ST14: variants seen among roughly 807,000 people sequenced by gnomAD.
ST14 encodes ST14 transmembrane serine protease matriptase, also known as suppressor of tumorigenicity 14 protein.
A neutral mutation model predicts 96.5 loss-of-function variants in ST14; 40 were observed. The ratio of observed to expected loss-of-function variants is 0.41; its 90% CI spans 0.32 to 0.54. The LOEUF (loss-of-function observed/expected upper bound fraction) is 0.54. ST14 is among the 20% of genes least tolerant of loss of function. The pLI is 0.17. For missense variants in ST14, 1,066 were observed against 1,188.9 expected, an observed-to-expected ratio of 0.90 and a Z score of 1.52; for synonymous variants, 506 against 492.1, an observed-to-expected ratio of 1.03 and a Z score of -0.37.
intron 16 of ST14, among the ~76,000 whole-genome samples, chr11:130,206,624 G>A (rs986003257): frequency 1.5e-5 from 2 of 136,846 alleles, no homozygotes; most frequent in Non-Finnish European, 3.2e-5. Flanking sequence ...CTGGAGTTCA[G>A]TGGTGCGATC....
In ST14 at chr11:130,209,587, C is replaced by A. The variant is rs1168152377; in HGVS notation, c.2406+9C>A. 1 of 1,581,122 alleles carries A rather than the reference C, an allele frequency of 6.3e-7. No individual in the cohort carries two copies. The highest frequency in any genetic ancestry group is 8.6e-7 in the Non-Finnish European group (1 of 1,164,060). On this transcript the variant is annotated intron_variant, in intron 18 of 18. Transcript: ENST00000278742. ...GCGTGGACTCCTGCCAGGTGGCCCC[C>A]GGGGCAGGAGGGCGGCAGGTGGGCC...
rs368023029 is a variant in ST14, at chr11:130,161,371, C to G, written c.81+1311C>G. On this transcript the variant is annotated intron_variant, in intron 1 of 18. Transcript: ENST00000278742. ...AATTGCCTACTTGGGGTTCTAGACT[C>G]CCTGCCTCTTCAGCAGAGAACCTGC... 3.9e-5 allele frequency among the ~76,000 whole-genome samples: 6 copies of G among 152,066 alleles called. No individual in the cohort carries two copies. In the East Asian group the frequency reaches 7.7e-4, roughly 20 times the overall value.
chr11:130,186,584 C>A (rs1953239934), intron 1 of ST14, among the ~76,000 whole-genome samples: 1 of 151,982 alleles, frequency 6.6e-6, no homozygotes. Flanking sequence ...AAACCCCAGT[C>A]AATGAAAATT....
Position 130,208,408 on chromosome 11 carries a change from A to G in ST14, c.1995-2A>G, listed in dbSNP as rs1298006790. On this transcript the variant is annotated splice_acceptor_variant, in intron 16 of 18. Transcript: ENST00000278742. LOFTEE classifies it high-confidence loss of function. ...CAGTCTCATAGCGGCTCTCCCTACC[A>G]GGTACTCAGACCCCACGCAGTGGAC... 6.2e-7 allele frequency: 1 copy of G among 1,613,928 alleles called. No homozygotes were observed. The highest frequency in any genetic ancestry group is 1.3e-5 in the African/African-American group (1 of 74,952).
chr11:130,164,286 T>C (rs1953024717), intron 1 of ST14, among the ~76,000 whole-genome samples: 1 of 152,188 alleles, frequency 6.6e-6, no homozygotes, highest in Non-Finnish European at 1.5e-5. Context: ...GCTGCTTGTC[T>C]TTTTTCCTGC....
intron 1 of ST14, among the ~76,000 whole-genome samples, chr11:130,164,441 A>G (rs1007732288): frequency 2.7e-5 from 4 of 149,146 alleles, no homozygotes; most frequent in African/African-American, 9.9e-5. Context: ...TTTTTTTTAG[A>G]CAGGGTCTCC....
chr11:130,190,712 C>T lies in ST14; in HGVS notation c.875+18C>T, dbSNP rs748718945. On this transcript the variant is annotated intron_variant, in intron 7 of 18. Coordinates refer to ENST00000278742, the MANE Select transcript of ST14 (RefSeq NM_021978.4). ...CTGGTGCAGTGAGTACCCCGGGGGG[C>T]GGGTAGGGCTGTGGGAGCTTGGCGG... The T allele has an allele frequency of 3.0e-5, 47 of 1,557,224 alleles. No homozygotes were observed. Among genetic ancestry groups the T allele is most frequent in the South Asian group, 2.6e-4 (22 of 84,638 alleles).
chr11:130,197,908 G>C lies in ST14; in HGVS notation c.1422G>C (p.Trp474Cys). Residue 474 changes from tryptophan to cysteine, a missense_variant, in exon 12 of 19, where the codon TGG (tryptophan) becomes TGC (cysteine). Coordinates refer to ENST00000278742, the MANE Select transcript of ST14 (RefSeq NM_021978.4). ...GGAAGGAGCTGCGCTGTGATGGCTG[G>C]GCCGACTGCACCGACCACAGCGATG... ...CIRKELRCDG[W>C]ADCTDHSDEL... 1 of 1,596,842 alleles carries C rather than the reference G, an allele frequency of 6.3e-7. No individual in the cohort carries two copies. Among genetic ancestry groups the C allele is most frequent in the Non-Finnish European group, 8.5e-7 (1 of 1,174,540 alleles).
In ST14 at chr11:130,209,444, A is replaced by C; in HGVS notation, c.2272A>C (p.Thr758Pro). The stretch of plus-strand genomic sequence containing the variant: ...GCCCCGTCCTGCCCTCTCCCCAGGC[A>C]CTGGCGCGCTGATCCTGCAAAAGGG... ...TGWGHTQYGG[T>P]GALILQKGEI... The change falls in exon 18 of 19, where the codon ACT (threonine) becomes CCT (proline). Residue 758 changes from threonine (T) to proline (P), a missense_variant and splice_region_variant. Physicochemically the swap from Thr to Pro is conservative, Grantham distance 38. Transcript: ENST00000278742. 1 of 1,581,566 alleles carries C rather than the reference A, an allele frequency of 6.3e-7. No homozygotes were observed.
Position 130,209,845 on chromosome 11 carries a change from G to T in ST14, c.*22G>T. The T allele has an allele frequency of 6.2e-7, 1 of 1,611,530 alleles. No individual in the cohort carries two copies. On this transcript the variant is annotated 3_prime_UTR_variant, in exon 19 of 19. Coordinates refer to ENST00000278742, the MANE Select transcript of ST14 (RefSeq NM_021978.4). ...ATAGGGGCCGGGGCCACCCAAATGT[G>T]TACACCTGCGGGGCCACCCATCGTC...
At chr11:130,201,309 A>G (rs1335669293) in intron 16 of ST14, among the ~76,000 whole-genome samples, 1 of 152,258 alleles carries the variant, frequency 6.6e-6, no homozygotes, top group Non-Finnish European at 1.5e-5. Context: ...TGGGCCTTCC[A>G]GGAGAATCCA....
Position 130,181,828 on chromosome 11 carries a change from G to C in ST14, c.82-6286G>C, listed in dbSNP as rs1311380996. 6.6e-6 allele frequency among the ~76,000 whole-genome samples: 1 copy of C among 152,242 alleles called. No homozygotes were observed. The highest frequency in any genetic ancestry group is 1.5e-5 in the Non-Finnish European group (1 of 68,052). ...GAGCCAAGAGCTAAGGTTATAAAAGGAAGCAGCCCAGTTACTGATTAGACA... is the reference window on the plus strand; with the variant it reads ...GAGCCAAGAGCTAAGGTTATAAAAGCAAGCAGCCCAGTTACTGATTAGACA... On this transcript the variant is annotated intron_variant, in intron 1 of 18. Transcript: ENST00000278742. The surrounding 1 kb of genome is among the most constrained non-coding windows in gnomAD (Gnocchi z 4.1).
intron 7 of ST14, among the ~76,000 whole-genome samples, chr11:130,192,356 T>C (rs1049993720): frequency 6.6e-6 from 1 of 152,202 alleles, no homozygotes; most frequent in African/African-American, 2.4e-5. Context: ...AAGACTAAAG[T>C]CACTCGTCAT....
chr11:130,206,970 CTTT>C (rs1953496388), intron 16 of ST14, among the ~76,000 whole-genome samples: 1 of 152,132 alleles, frequency 6.6e-6, no homozygotes, highest in Non-Finnish European at 1.5e-5. Context: ...TTACCCCACC[CTTT>C]TTTATTATTC....
chr11:130,195,689 C>G (rs1165084350), intron 9 of ST14, among the ~76,000 whole-genome samples: 1 of 152,000 alleles, frequency 6.6e-6, no homozygotes, highest in Non-Finnish European at 1.5e-5. Context: ...CCTGTCTCTA[C>G]TAAAAATACA....
chr11:130,170,854 CTT>C (rs910213549), intron 1 of ST14, among the ~76,000 whole-genome samples: 26 of 147,296 alleles, frequency 1.8e-4, no homozygotes, highest in Middle Eastern at 6.9e-3. Flanking sequence ...CAGAGTGTTC[CTT>C]TTTTTTTTGT....
intron 9 of ST14, among the ~76,000 whole-genome samples, chr11:130,195,008 G>C (rs2136215513): frequency 1.3e-5 from 2 of 152,232 alleles, no homozygotes; most frequent in East Asian, 3.9e-4. Flanking sequence ...AGCACTTTGG[G>C]AGACCAAGGC....
rs1432501836 is a variant in ST14 at position 130,179,661 on chromosome 11, G to A, written c.82-8453G>A. ...TGTCTATGTGGGGTCCCTCCTAGCC[G>A]GAGACAGGTCCCTTTTATGAACAGC... On this transcript the variant is annotated intron_variant, in intron 1 of 18. Transcript: ENST00000278742. 3.9e-5 allele frequency among the ~76,000 whole-genome samples: 6 copies of A among 152,128 alleles called. No homozygotes were observed. In the South Asian group the frequency reaches 8.3e-4, roughly 21 times the overall value.
rs916533560 is a variant in ST14, at chr11:130,178,415, A to G, written c.82-9699A>G. On this transcript the variant is annotated intron_variant, in intron 1 of 18. Coordinates refer to ENST00000278742, the MANE Select transcript of ST14 (RefSeq NM_021978.4). ...TTTTAAGATGAAGTCTTTTTCTAAGATGGCGTTACTTATGTCAAGGGTGCT... is the reference window on the plus strand; with the variant it reads ...TTTTAAGATGAAGTCTTTTTCTAAGGTGGCGTTACTTATGTCAAGGGTGCT... 1.1e-4 allele frequency among the ~76,000 whole-genome samples: 10 copies of G among 90,942 alleles called. No homozygotes were observed. The African/African-American group carries it at 2.7e-3, about 24-fold the overall frequency. The allele number at this position is 90,942 out of a possible 152,430, so 59.7% of individuals were successfully genotyped here.
Sources: gnomAD v4.1 joint callset for allele counts (sites outside exome capture counted in the v4.1 genomes callset) on GRCh38, gnomAD v4.1.1 for gene constraint, Gnocchi (gnomAD v3.1) non-coding constraint, MANE v1.5 for transcripts, NCBI Gene and HGNC (gene_info 2026-07-23, HGNC 2026-07-21) for gene names.